The following RBFOX1 variants were observed in gnomAD, a reference collection of about 807,000 sequenced individuals.
RBFOX1 encodes RNA binding protein fox-1 homolog 1.
In RBFOX1, 8 loss-of-function variants were observed where a neutral mutation model predicts 57.7. The ratio of observed to expected loss-of-function variants is 0.14; its 90% confidence interval spans 0.08 to 0.25. The LOEUF (loss-of-function observed/expected upper bound fraction) is 0.25, where lower values mean the gene tolerates loss of function less well. Ranked by LOEUF, RBFOX1 falls within the 10% of genes least tolerant of loss-of-function variation. The probability of loss-of-function intolerance (pLI) is 1.00; values close to 1 mark genes in which losing one functional copy is unlikely to be tolerated. For missense variants in RBFOX1, 611 were observed against 548.5 expected (o/e 1.11, Z -1.14); for synonymous variants, 326 against 222.4 (o/e 1.47, Z -4.15).
intron 4 of RBFOX1, among the ~76,000 whole-genome samples, chr16:7,241,936 T>C (rs1484532353): frequency 2.6e-5 from 4 of 152,194 alleles, no homozygotes; most frequent in African/African-American, 9.7e-5. Context: ...CCTAAATATG[T>C]ATATCTGCAT....
chr16:7,145,702 A>G (rs17142506), intron 4 of RBFOX1, among the ~76,000 whole-genome samples: 12,115 of 152,186 alleles, frequency 0.08, 1,631 homozygotes, highest in African/African-American at 0.28. Flanking sequence ...GGGTCTTGAA[A>G]TTTAAAAAAT....
chr16:6,836,190 A>G (rs968983401), intron 3 of RBFOX1, among the ~76,000 whole-genome samples: 3 of 152,218 alleles, frequency 2.0e-5, no homozygotes, highest in East Asian at 3.9e-4. Context: ...TGAATATGTT[A>G]GTCATTTTCT....
intron 3 of RBFOX1, among the ~76,000 whole-genome samples, chr16:5,702,718 T>A (rs1002868478): frequency 6.6e-6 from 1 of 152,230 alleles, no homozygotes; most frequent in Non-Finnish European, 1.5e-5. Context: ...CATAGTGGTG[T>A]TGACCTCATA....
intron 3 of RBFOX1, among the ~76,000 whole-genome samples, chr16:6,892,818 C>T (rs1354179005): frequency 1.8e-5 from 2 of 108,190 alleles, no homozygotes; most frequent in Non-Finnish European, 4.1e-5. Flanking sequence ...CTCTCTCTCT[C>T]TCTCTCTCTA....
At chr16:7,658,473 C>G (rs971793461) in intron 12 of RBFOX1, among the ~76,000 whole-genome samples, 1 of 152,176 alleles carries the variant, frequency 6.6e-6, no homozygotes, top group Non-Finnish European at 1.5e-5. Context: ...AATGCCCAGT[C>G]TAGCTTCCTA....
intron 3 of RBFOX1, among the ~76,000 whole-genome samples, chr16:6,714,605 G>A (rs1051892872): frequency 1.3e-5 from 2 of 152,092 alleles, no homozygotes; most frequent in African/African-American, 4.8e-5. Flanking sequence ...TGTGATTTCA[G>A]CATCAAGAAG....
At position 7,100,963 on chromosome 16, in the gene RBFOX1, A is replaced by C. The variant is rs973320334; in HGVS notation, c.27+48865A>C. Among the ~76,000 whole-genome samples the C allele has an allele frequency of 7.2e-5, 11 of 152,308 alleles. No individual in the cohort carries two copies. In the East Asian group the frequency reaches 2.1e-3, roughly 29 times the overall value. On this transcript the variant is annotated intron_variant, in intron 4 of 15. Coordinates refer to ENST00000550418, the MANE Select transcript of RBFOX1 (RefSeq NM_018723.4). ...GAAAGTGATTGTACTTTATAGCCTC[A>C]TCAAGGATTATTTTTTGAGGAAACA...
chr16:7,419,059 C>T (rs1488806910), intron 4 of RBFOX1, among the ~76,000 whole-genome samples: 1 of 152,100 alleles, frequency 6.6e-6, no homozygotes, highest in African/African-American at 2.4e-5. Context: ...TGTTCGTCAC[C>T]ACGCCCAGAT....
At chr16:5,779,651 A>G (rs1597219375) in intron 3 of RBFOX1, among the ~76,000 whole-genome samples, 1 of 152,232 alleles carries the variant, frequency 6.6e-6, no homozygotes, top group Middle Eastern at 3.4e-3. Context: ...CTCATTGTGG[A>G]TTCTACTGGA....
chr16:7,686,317 A>T (rs1386120508), intron 14 of RBFOX1, among the ~76,000 whole-genome samples: 1 of 152,028 alleles, frequency 6.6e-6, no homozygotes, highest in Admixed American at 6.6e-5. Flanking sequence ...TAGGTTGGGG[A>T]ATAGAAATTG....
At chr16:6,135,212 A>G (rs2096657983) in intron 1 of RBFOX1, among the ~76,000 whole-genome samples, 1 of 152,200 alleles carries the variant, frequency 6.6e-6, no homozygotes, top group Non-Finnish European at 1.5e-5. Context: ...CTAAACAGCA[A>G]AATATAGATG....
chr16:7,063,223 G>A (rs972263965), intron 4 of RBFOX1, among the ~76,000 whole-genome samples: 3 of 152,024 alleles, frequency 2.0e-5, no homozygotes, highest in Admixed American at 6.6e-5. Flanking sequence ...TCAAGAGCAG[G>A]TAGGCACAGG....
intron 1 of RBFOX1, among the ~76,000 whole-genome samples, chr16:5,333,207 A>G (rs2064806196): frequency 6.6e-6 from 1 of 152,184 alleles, no homozygotes; most frequent in Admixed American, 6.5e-5. Context: ...ACAAAAAACC[A>G]AACTACACTA....
At chr16:7,623,414 G>C (rs1366922181) in intron 10 of RBFOX1, among the ~76,000 whole-genome samples, 1 of 152,154 alleles carries the variant, frequency 6.6e-6, no homozygotes, top group Non-Finnish European at 1.5e-5. Flanking sequence ...AGACAGTCCT[G>C]TCTGGGAGCG....
chr16:6,977,389 C>G (rs777327691), intron 3 of RBFOX1, among the ~76,000 whole-genome samples: 27 of 152,094 alleles, frequency 1.8e-4, no homozygotes, highest in South Asian at 1.2e-3. Flanking sequence ...TATCTGGACA[C>G]TCGCAAGTCT....
chr16:5,387,011 A>C (rs1437307810), intron 1 of RBFOX1, among the ~76,000 whole-genome samples: 1 of 152,214 alleles, frequency 6.6e-6, no homozygotes, highest in Non-Finnish European at 1.5e-5. Context: ...AGATTGTGCC[A>C]TTGCACTCCA....
At chr16:7,532,479 A>C (rs2080357896) in intron 5 of RBFOX1, among the ~76,000 whole-genome samples, 1 of 152,280 alleles carries the variant, frequency 6.6e-6, no homozygotes, top group African/African-American at 2.4e-5. Context: ...AGAAGACCAG[A>C]GGGGACCTAG....
At chr16:6,840,090 C>T (rs1156866195) in intron 3 of RBFOX1, among the ~76,000 whole-genome samples, 1 of 152,104 alleles carries the variant, frequency 6.6e-6, no homozygotes, top group Non-Finnish European at 1.5e-5. Context: ...AAATGCTGAT[C>T]AGTACTACTG....
intron 2 of RBFOX1, among the ~76,000 whole-genome samples, chr16:6,525,740 T>C (rs1237309237): frequency 6.6e-6 from 1 of 151,998 alleles, no homozygotes. Context: ...AGGGAAGGGC[T>C]GAAAAATGGT....
Sources: gnomAD v4.1 joint callset for allele counts (sites outside exome capture counted in the v4.1 genomes callset) on GRCh38, gnomAD v4.1.1 for gene constraint, MANE v1.5 for transcripts, NCBI Gene and HGNC (gene_info 2026-07-23, HGNC 2026-07-21) for gene names.